Variants in ELF1 observed in about 807,000 individuals in gnomAD.
ELF1 encodes E74 like ETS transcription factor 1, also known as ETS-related transcription factor Elf-1.
ELF1 carries 24 observed loss-of-function variants against 59.9 expected under a neutral mutation model. The ratio of observed to expected loss-of-function variants is 0.40; its 90% CI spans 0.29 to 0.56. The LOEUF (loss-of-function observed/expected upper bound fraction) is 0.56, where lower values mean the gene tolerates loss of function less well. Ranked by LOEUF, ELF1 falls within the 20% of genes least tolerant of loss-of-function variation. ELF1 has a pLI of 0.44. For missense variants in ELF1, 627 were observed against 742.2 expected (o/e 0.84, Z 1.80); for synonymous variants, 248 against 266.2 (o/e 0.93, Z 0.67).
intron 8 of ELF1, among the ~76,000 whole-genome samples, chr13:40,938,035 T>C (rs1869900336): frequency 6.6e-6 from 1 of 152,014 alleles, no homozygotes; most frequent in Non-Finnish European, 1.5e-5. Context: ...CAGGCTGGTT[T>C]CAAACTCCCG....
intron 1 of ELF1, among the ~76,000 whole-genome samples, chr13:41,047,561 C>A (rs941955458): frequency 6.6e-6 from 1 of 152,242 alleles, no homozygotes; most frequent in Admixed American, 6.5e-5. Context: ...CCCTGTGTGC[C>A]CGGGTATCAG....
chr13:41,038,781 C>G (rs1351936602), intron 1 of ELF1, among the ~76,000 whole-genome samples: 4 of 151,910 alleles, frequency 2.6e-5, no homozygotes, highest in African/African-American at 4.8e-5. Context: ...TTTTGGGAGG[C>G]GGAGGCAGTG....
chr13:41,027,638 T>C (rs1875990862), intron 1 of ELF1, among the ~76,000 whole-genome samples: 1 of 152,222 alleles, frequency 6.6e-6, no homozygotes, highest in African/African-American at 2.4e-5. Flanking sequence ...ACACTCTAGA[T>C]ACAAATTTGC....
chr13:40,956,676 T>C (rs937578060), intron 3 of ELF1, among the ~76,000 whole-genome samples: 2 of 151,746 alleles, frequency 1.3e-5, no homozygotes, highest in Non-Finnish European at 2.9e-5. Context: ...ATCGTCTCTA[T>C]TACTTTTTTT....
chr13:41,041,351 C>G (rs1876603000), intron 1 of ELF1, among the ~76,000 whole-genome samples: 1 of 151,090 alleles, frequency 6.6e-6, no homozygotes, highest in Non-Finnish European at 1.5e-5. Flanking sequence ...CCTTGACATA[C>G]ACATCTCATT....
At chr13:41,060,021 C>T (rs2138446735) in intron 1 of ELF1, among the ~76,000 whole-genome samples, 1 of 152,342 alleles carries the variant, frequency 6.6e-6, no homozygotes, top group East Asian at 1.9e-4. Flanking sequence ...GATTCTCGTT[C>T]CCAAAGGCCT....
chr13:41,017,446 A>G (rs1376250550), intron 1 of ELF1, among the ~76,000 whole-genome samples: 1 of 152,118 alleles, frequency 6.6e-6, no homozygotes, highest in Non-Finnish European at 1.5e-5. Flanking sequence ...TTCAGCACTA[A>G]AGTTCTATAA....
At chr13:40,950,440 G>T (rs1870782516) in intron 4 of ELF1, among the ~76,000 whole-genome samples, 1 of 152,052 alleles carries the variant, frequency 6.6e-6, no homozygotes, top group African/African-American at 2.4e-5. Flanking sequence ...CACCCACCAT[G>T]AAGCTTACAC....
chr13:41,025,481 C>T (rs1339871297), intron 1 of ELF1, among the ~76,000 whole-genome samples: 1 of 152,208 alleles, frequency 6.6e-6, no homozygotes, highest in Admixed American at 6.5e-5. Flanking sequence ...ATAAAGGCTT[C>T]AAGGAACCTT....
intron 1 of ELF1, among the ~76,000 whole-genome samples, chr13:41,024,368 C>T (rs1395786112): frequency 6.6e-6 from 1 of 152,082 alleles, no homozygotes; most frequent in African/African-American, 2.4e-5. Flanking sequence ...GTCACCCAGG[C>T]TGGAGTGCAG....
intron 7 of ELF1, 34 bp downstream of exon 7, chr13:40,942,918 T>C: frequency 1.4e-6 from 2 of 1,481,444 alleles, no homozygotes; most frequent in Non-Finnish European, 1.8e-6. Flanking sequence ...AAAATGATAT[T>C]CTTAACACAA....
In ELF1 at chr13:40,941,174, G is replaced by A; in HGVS notation, c.1003C>T (p.Pro335Ser). 1 of 1,614,064 alleles carries A rather than the reference G, an allele frequency of 6.2e-7. No individual in the cohort carries two copies. Among genetic ancestry groups the A allele is most frequent in the Admixed American group, 1.7e-5 (1 of 60,014 alleles). ...QTSRSRVSSS[P>S]GVKGGATTVL... Reference sequence around the variant, plus strand: ...GTAGTGGCTCCTCCTTTTACCCCTGGACTTGAAGATACTCTCGACCGGCTG... The same window carrying A: ...GTAGTGGCTCCTCCTTTTACCCCTGAACTTGAAGATACTCTCGACCGGCTG... The change falls in exon 8 of 9, where the codon CCA (proline) becomes TCA (serine). Residue 335 changes from proline (P) to serine (S), a missense_variant. This residue lies in a region of ELF1 where 361 missense variants were observed against 396.1 expected (regional missense o/e 0.91). Coordinates refer to ENST00000239882, the MANE Select transcript of ELF1 (RefSeq NM_172373.4).
At chr13:41,000,996 A>T (rs1555277639) in intron 1 of ELF1, among the ~76,000 whole-genome samples, 3 of 148,872 alleles carry the variant, frequency 2.0e-5, no homozygotes, top group African/African-American at 5.0e-5. Context: ...TTTTTTTCTG[A>T]GACAGAGTCT....
chr13:40,989,194 T>A (rs1023219412), intron 1 of ELF1, among the ~76,000 whole-genome samples: 1 of 152,212 alleles, frequency 6.6e-6, no homozygotes, highest in South Asian at 2.1e-4. Context: ...AATGTAGGTA[T>A]AGTTAAGAAA....
chr13:40,933,508 CA>C lies in ELF1; in HGVS notation c.1776del (p.Tyr592Ter), dbSNP rs770650357. On this transcript the variant is annotated frameshift_variant, in exon 9 of 9. Coordinates refer to ENST00000239882, the MANE Select transcript of ELF1 (RefSeq NM_172373.4). LOFTEE classifies it high-confidence loss of function. ...TEKTEQQPQPYVMVVSSSNGF... is the reference protein window; with the variant it reads ...TEKTEQQPQPXVMVVSSSNGF... Reference sequence around the variant, plus strand: ...CCATTGGAACTGGACACTACCATCACATAAGGCTGTGGCTGCTGCTCCGTTT... The same window carrying C: ...CCATTGGAACTGGACACTACCATCACTAAGGCTGTGGCTGCTGCTCCGTTT... 1 of 1,614,254 alleles carries C rather than the reference CA, an allele frequency of 6.2e-7. No individual in the cohort carries two copies. Among genetic ancestry groups the C allele is most frequent in the Non-Finnish European group, 8.5e-7 (1 of 1,180,054 alleles).
intron 1 of ELF1, among the ~76,000 whole-genome samples, chr13:41,024,499 T>C (rs1474440399): frequency 6.6e-6 from 1 of 152,174 alleles, no homozygotes; most frequent in African/African-American, 2.4e-5. Context: ...TTTTTGTATT[T>C]TTTTGTATTT....
At position 40,951,317 on chromosome 13, in the gene ELF1, A is replaced by G; in HGVS notation, c.361+12T>C. 1 of 1,597,414 alleles carries G rather than the reference A, an allele frequency of 6.3e-7. No individual in the cohort carries two copies. Among genetic ancestry groups the G allele is most frequent in the Non-Finnish European group, 8.6e-7 (1 of 1,167,318 alleles). ...ACAAAGTACATAAACATAAACAATC[A>G]TAATCACTCACTTATTCGTTTTTCA... On this transcript the variant is annotated intron_variant, in intron 4 of 8. Coordinates refer to ENST00000239882, the MANE Select transcript of ELF1 (RefSeq NM_172373.4).
At chr13:40,976,178 G>T (rs1872892758) in intron 2 of ELF1, among the ~76,000 whole-genome samples, 1 of 152,192 alleles carries the variant, frequency 6.6e-6, no homozygotes, top group Non-Finnish European at 1.5e-5. Context: ...CAGTGGGGAA[G>T]CAGGAAAGCA....
intron 8 of ELF1, among the ~76,000 whole-genome samples, chr13:40,937,715 C>A (rs1869876703): frequency 6.6e-6 from 1 of 152,220 alleles, no homozygotes; most frequent in African/African-American, 2.4e-5. Context: ...GTGATTCACC[C>A]GCCTCGGCCT....
Sources: gnomAD v4.1 joint callset for allele counts (sites outside exome capture counted in the v4.1 genomes callset) on GRCh38, gnomAD v4.1.1 for gene constraint, gnomAD v4.1.1 regional missense constraint, MANE v1.5 for transcripts, NCBI Gene and HGNC (gene_info 2026-07-23, HGNC 2026-07-21) for gene names.